The following KIF26B variants were observed in gnomAD, a reference collection of about 807,000 sequenced individuals.
KIF26B encodes the protein kinesin family member 26B.
A neutral mutation model predicts 151.2 loss-of-function variants in KIF26B; 63 were observed. That is an observed-to-expected ratio of 0.42 (90% CI 0.34 to 0.51). The LOEUF is 0.51. KIF26B is among the 20% of genes least tolerant of loss of function. The pLI, the probability that KIF26B is intolerant of heterozygous loss-of-function variation, is 0.07. For missense variants in KIF26B, 2,813 were observed against 2,913.6 expected (o/e 0.97, Z 0.79); for synonymous variants, 1,357 against 1,262.1 (o/e 1.08, Z -1.59).
At chr1:245,212,141 G>C (rs1669548601) in intron 2 of KIF26B, among the ~76,000 whole-genome samples, 1 of 152,156 alleles carries the variant, frequency 6.6e-6, no homozygotes, top group African/African-American at 2.4e-5. Flanking sequence ...TGGGCGGTGG[G>C]GCTGGCCTCC....
intron 4 of KIF26B, among the ~76,000 whole-genome samples, chr1:245,481,747 C>T (rs202170630): frequency 1.9e-5 from 2 of 104,584 alleles, no homozygotes; most frequent in Non-Finnish European, 3.9e-5. Context: ...CAAATGTTAT[C>T]ATTACTGAGT....
chr1:245,655,550 G>A (rs1013356579), intron 10 of KIF26B, among the ~76,000 whole-genome samples: 1 of 152,212 alleles, frequency 6.6e-6, no homozygotes, highest in African/African-American at 2.4e-5. Context: ...TACAGGCTCT[G>A]CACGAAAGTG....
intron 12 of KIF26B, among the ~76,000 whole-genome samples, chr1:245,689,225 C>G (rs1456665059): frequency 2.0e-5 from 3 of 152,240 alleles, no homozygotes; most frequent in Non-Finnish European, 4.4e-5. Context: ...CATTCCCTCA[C>G]CCCTGCCCCT....
chr1:245,698,421 G>A lies in KIF26B; in HGVS notation c.6027+113G>A, dbSNP rs757815795. The stretch of plus-strand genomic sequence containing the variant: ...AAAACTCAGACCCGGGCTTCCCAGC[G>A]GGCTTCTGGCATGGGTGGTGGGAAG... On this transcript the variant is annotated intron_variant, in intron 13 of 14. Transcript: ENST00000407071. This position sits in a 1 kb window ranked among gnomAD's most constrained non-coding sequence, Gnocchi z 4.0. 2.5e-5 allele frequency: 25 copies of A among 992,384 alleles called. No individual in the cohort carries two copies. Among genetic ancestry groups the A allele is most frequent in the Admixed American group, 4.7e-5 (2 of 42,496 alleles). The allele number at this position is 992,384 out of a possible 1,614,324, so 61.5% of individuals were successfully genotyped here.
At chr1:245,276,038 G>A (rs1211667388) in intron 2 of KIF26B, among the ~76,000 whole-genome samples, 1 of 152,074 alleles carries the variant, frequency 6.6e-6, no homozygotes, top group Non-Finnish European at 1.5e-5. Flanking sequence ...CTTCTCTTTT[G>A]TTGCTTTAAA....
intron 9 of KIF26B, among the ~76,000 whole-genome samples, chr1:245,613,214 A>G (rs1418648206): frequency 6.6e-6 from 1 of 152,180 alleles, no homozygotes; most frequent in Non-Finnish European, 1.5e-5. Flanking sequence ...CAGAAAACTG[A>G]GTTAAGAGTC....
At chr1:245,217,561 A>AT in intron 2 of KIF26B, among the ~76,000 whole-genome samples, 1 of 151,190 alleles carries the variant, frequency 6.6e-6, no homozygotes, top group South Asian at 2.1e-4. Context: ...AGAGACGGGG[A>AT]TTTTTACCAC....
At chr1:245,640,530 G>T (rs2043881546) in intron 9 of KIF26B, among the ~76,000 whole-genome samples, 2 of 151,812 alleles carry the variant, frequency 1.3e-5, no homozygotes, top group Admixed American at 6.6e-5. Context: ...TTATTGATAG[G>T]TAAGGCCTTC....
chr1:245,156,716 C>T, intron 2 of KIF26B, 33 bp downstream of exon 2: 3 of 1,366,022 alleles, frequency 2.2e-6, no homozygotes, highest in African/African-American at 3.1e-5. Flanking sequence ...TGGGGAGGCG[C>T]CGGGAGGGCG....
At chr1:245,220,090 G>A (rs112726654) in intron 2 of KIF26B, among the ~76,000 whole-genome samples, 2,785 of 152,286 alleles carry the variant, frequency 0.018, 96 homozygotes, top group African/African-American at 0.065. Context: ...TTCCAGGAGA[G>A]CTTCGGCCTC....
chr1:245,369,064 G>C (rs1464989360), intron 3 of KIF26B, among the ~76,000 whole-genome samples: 1 of 152,158 alleles, frequency 6.6e-6, no homozygotes, highest in East Asian at 1.9e-4. Context: ...CCTGAGCCCA[G>C]GAGGCGGAGG....
chr1:245,433,424 G>A (rs993944407), intron 4 of KIF26B, among the ~76,000 whole-genome samples: 10 of 149,616 alleles, frequency 6.7e-5, no homozygotes, highest in African/African-American at 1.2e-4. Flanking sequence ...CCGAGATTGC[G>A]CCACTGCCCT....
At chr1:245,217,857 C>T (rs921067919) in intron 2 of KIF26B, among the ~76,000 whole-genome samples, 3 of 152,076 alleles carry the variant, frequency 2.0e-5, no homozygotes, top group Non-Finnish European at 4.4e-5. Context: ...AGTTGCACAC[C>T]CACATGCGCC....
chr1:245,600,089 A>G, intron 5 of KIF26B, among the ~76,000 whole-genome samples: 1 of 147,812 alleles, frequency 6.8e-6, no homozygotes, highest in African/African-American at 2.5e-5. Context: ...CCCAGGCTGG[A>G]GTGTAATGGC....
At chr1:245,522,294 G>C (rs1247105862) in intron 4 of KIF26B, among the ~76,000 whole-genome samples, 1 of 152,198 alleles carries the variant, frequency 6.6e-6, no homozygotes, top group Non-Finnish European at 1.5e-5. Context: ...TAAAGAAAAT[G>C]ATACTGCCTA....
chr1:245,576,936 C>A (rs1175309011), intron 5 of KIF26B, among the ~76,000 whole-genome samples: 1 of 152,148 alleles, frequency 6.6e-6, no homozygotes, highest in East Asian at 1.9e-4. Flanking sequence ...GCTACCTTAG[C>A]CACAAGGCAC....
intron 2 of KIF26B, 69 bp from the exon 3 acceptor site, chr1:245,366,765 G>A: frequency 6.7e-7 from 1 of 1,492,360 alleles, no homozygotes; most frequent in Middle Eastern, 1.8e-4. Context: ...TGGTAAGCCA[G>A]GTATCTGACT....
intron 2 of KIF26B, among the ~76,000 whole-genome samples, chr1:245,259,686 C>A (rs945587893): frequency 6.6e-6 from 1 of 152,014 alleles, no homozygotes; most frequent in Non-Finnish European, 1.5e-5. Context: ...AGTCCCAGCA[C>A]TTTGGGAGGT....
chr1:245,556,213 T>TC (rs1271329268), intron 5 of KIF26B, among the ~76,000 whole-genome samples: 10 of 142,200 alleles, frequency 7.0e-5, no homozygotes, highest in Non-Finnish European at 1.6e-4. Context: ...CTCTTCTTCT[T>TC]CCTCCTCCTC....
Sources: gnomAD v4.1 joint callset for allele counts (sites outside exome capture counted in the v4.1 genomes callset) on GRCh38, gnomAD v4.1.1 for gene constraint, Gnocchi (gnomAD v3.1) non-coding constraint, MANE v1.5 for transcripts, NCBI Gene and HGNC (gene_info 2026-07-23, HGNC 2026-07-21) for gene names.